The following SCFD2 variants were observed in gnomAD, a reference collection of about 807,000 sequenced individuals.
SCFD2 encodes sec1 family domain containing 2.
A neutral mutation model predicts 58.9 loss-of-function variants in SCFD2; 54 were observed. The ratio of observed to expected loss-of-function variants is 0.92; its 90% CI spans 0.74 to 1.15. The LOEUF is 1.15. Among genes scored for constraint, SCFD2 ranks in the 50% most tolerant of loss-of-function variants. SCFD2 has a pLI of 0.00. For synonymous variants in SCFD2, 321 were observed against 335.9 expected (o/e 0.96, Z 0.49); for missense variants, 805 against 836.6 (o/e 0.96, Z 0.47).
At chr4:53,323,159 T>G (rs1733075767) in intron 2 of SCFD2, among the ~76,000 whole-genome samples, 1 of 152,218 alleles carries the variant, frequency 6.6e-6, no homozygotes, top group Non-Finnish European at 1.5e-5. Flanking sequence ...TTATTATAGC[T>G]TATTTTCTCT....
intron 5 of SCFD2, among the ~76,000 whole-genome samples, chr4:53,038,653 C>A (rs1577677400): frequency 6.6e-6 from 1 of 151,632 alleles, no homozygotes; most frequent in South Asian, 2.1e-4. Context: ...AAATAAAATG[C>A]CAGGTTGTTA....
chr4:53,229,199 G>A (rs1289182788), intron 4 of SCFD2, among the ~76,000 whole-genome samples: 1 of 152,106 alleles, frequency 6.6e-6, no homozygotes, highest in African/African-American at 2.4e-5. Flanking sequence ...TACTGCCCAA[G>A]GTAATTTACA....
intron 5 of SCFD2, among the ~76,000 whole-genome samples, chr4:52,933,851 T>C (rs1720060490): frequency 6.6e-6 from 1 of 152,208 alleles, no homozygotes; most frequent in South Asian, 2.1e-4. Flanking sequence ...TCATGGGTCA[T>C]GAGGGAGGAG....
chr4:53,256,702 C>G (rs1730647701), intron 4 of SCFD2, among the ~76,000 whole-genome samples: 1 of 152,050 alleles, frequency 6.6e-6, no homozygotes, highest in Non-Finnish European at 1.5e-5. Context: ...CAGCAAAACC[C>G]TGTCTCCACC....
chr4:53,105,266 G>T (rs1724957365), intron 5 of SCFD2, among the ~76,000 whole-genome samples: 1 of 152,016 alleles, frequency 6.6e-6, no homozygotes, highest in Admixed American at 6.5e-5. Context: ...CGGCCGTTTG[G>T]GCAGACACCG....
chr4:52,919,930 C>T (rs1384464268), intron 6 of SCFD2, among the ~76,000 whole-genome samples: 3 of 152,192 alleles, frequency 2.0e-5, no homozygotes, highest in Admixed American at 1.3e-4. Context: ...GTTTATTTTA[C>T]TAAAGGTTTT....
In SCFD2 at chr4:52,956,391, C is replaced by T. The variant is rs1435809810; in HGVS notation, c.1562-35521G>A. On this transcript the variant is annotated intron_variant, in intron 5 of 8. Transcript: ENST00000401642. ...GTGACAGAAATCCAGCTTAAATTAT[C>T]TTAAGGAAAAGAGGAAAATGTACTG... 5 of 370,664 alleles carry T rather than the reference C, an allele frequency of 1.3e-5. No homozygotes were observed. In the East Asian group the frequency reaches 2.2e-4, roughly 16 times the overall value. 23.0% of individuals were successfully genotyped at this position (370,664 alleles called of 1,614,324 possible). A position where few individuals can be genotyped will look rare whatever the true frequency, so the allele number is the denominator to read the frequency against.
At chr4:53,152,047 C>G (rs1018183356) in intron 4 of SCFD2, among the ~76,000 whole-genome samples, 1 of 152,172 alleles carries the variant, frequency 6.6e-6, no homozygotes, top group African/African-American at 2.4e-5. Context: ...ACATCTCCCA[C>G]CAGGCCCCAC....
At chr4:53,265,181 T>TTA (rs1281334385) in intron 4 of SCFD2, among the ~76,000 whole-genome samples, 4 of 152,180 alleles carry the variant, frequency 2.6e-5, no homozygotes, top group African/African-American at 9.6e-5. Flanking sequence ...TCTTCAGTGA[T>TTA]TTTATAGAGG....
At chr4:53,011,449 A>G (rs1226146350) in intron 5 of SCFD2, among the ~76,000 whole-genome samples, 2 of 152,220 alleles carry the variant, frequency 1.3e-5, no homozygotes, top group Non-Finnish European at 2.9e-5. Flanking sequence ...GACACTACTG[A>G]GCAAATATTA....
At chr4:52,879,702 C>A (rs916694016) in intron 8 of SCFD2, among the ~76,000 whole-genome samples, 3 of 152,194 alleles carry the variant, frequency 2.0e-5, no homozygotes, top group Admixed American at 2.0e-4. Context: ...AGGAGTGACC[C>A]AGCCCTCTGG....
At chr4:53,234,955 T>C (rs1361838154) in intron 4 of SCFD2, among the ~76,000 whole-genome samples, 2 of 152,238 alleles carry the variant, frequency 1.3e-5, no homozygotes, top group Non-Finnish European at 1.5e-5. Context: ...GTTTCCACCA[T>C]CATGAGATAA....
intron 5 of SCFD2, among the ~76,000 whole-genome samples, chr4:53,039,524 A>G (rs1229405115): frequency 6.6e-6 from 1 of 152,088 alleles, no homozygotes; most frequent in Admixed American, 6.6e-5. Context: ...ACAAATTTCT[A>G]TTGGGCCAAT....
At chr4:53,247,985 T>C (rs1387848900) in intron 4 of SCFD2, among the ~76,000 whole-genome samples, 2 of 150,500 alleles carry the variant, frequency 1.3e-5, no homozygotes, top group Non-Finnish European at 2.9e-5. Context: ...AAAAGGCAGG[T>C]GATTTCTGCA....
chr4:52,945,414 C>A (rs2109520120), intron 5 of SCFD2, among the ~76,000 whole-genome samples: 1 of 152,272 alleles, frequency 6.6e-6, no homozygotes, highest in Admixed American at 6.5e-5. Flanking sequence ...AAGATTTTCT[C>A]TCCCCAAATC....
At chr4:53,253,171 A>C (rs1306882308) in intron 4 of SCFD2, among the ~76,000 whole-genome samples, 1 of 152,264 alleles carries the variant, frequency 6.6e-6, no homozygotes, top group African/African-American at 2.4e-5. Context: ...GAGAAATGCA[A>C]ATCAAAACCA....
At chr4:53,254,791 A>G (rs1455316912) in intron 4 of SCFD2, among the ~76,000 whole-genome samples, 1 of 150,324 alleles carries the variant, frequency 6.7e-6, no homozygotes, top group African/African-American at 2.4e-5. Context: ...CAAACACTTC[A>G]TGTTTATTTT....
rs1728002066 is a variant in SCFD2 at position 53,194,455 on chromosome 4, A to G, written c.1312-48873T>C. Among the ~76,000 whole-genome samples, 4 of 152,274 alleles carry G rather than the reference A, an allele frequency of 2.6e-5. No individual in the cohort carries two copies. The South Asian group carries it at 8.3e-4, about 32-fold the overall frequency. Reference sequence around the variant, plus strand: ...GTACATTTGTGCCTCACTTTTGAAGACTATTATTCACTATGAAAATCCACT... The same window carrying G: ...GTACATTTGTGCCTCACTTTTGAAGGCTATTATTCACTATGAAAATCCACT... On this transcript the variant is annotated intron_variant, in intron 4 of 8. Transcript: ENST00000401642.
intron 4 of SCFD2, among the ~76,000 whole-genome samples, chr4:53,269,130 G>A (rs1731083011): frequency 6.6e-6 from 1 of 151,808 alleles, no homozygotes. Context: ...GACCAGCCTG[G>A]GCAATACAGA....
Sources: allele counts gnomAD v4.1 joint callset (sites outside exome capture counted in the v4.1 genomes callset), GRCh38; gene constraint gnomAD v4.1.1; transcripts MANE v1.5; gene names NCBI Gene and HGNC (gene_info 2026-07-23, HGNC 2026-07-21).